The following SORCS1 variants were observed in gnomAD, a reference collection of about 807,000 sequenced individuals.
SORCS1 encodes sortilin related VPS10 domain containing receptor 1, also known as VPS10 domain-containing receptor SorCS1.
SORCS1 carries 60 observed loss-of-function variants against 146.1 expected under a neutral mutation model. The ratio of observed to expected loss-of-function variants is 0.41; its 90% CI spans 0.33 to 0.51. The LOEUF (loss-of-function observed/expected upper bound fraction) is 0.51. SORCS1 is among the 20% of genes least tolerant of loss of function. The pLI, the probability that SORCS1 is intolerant of heterozygous loss-of-function variation, is 0.21. For synonymous variants in SORCS1, 637 were observed against 584.0 expected (o/e 1.09, Z -1.31); for missense variants, 1,352 against 1,487.6 (o/e 0.91, Z 1.50).
intron 3 of SORCS1, among the ~76,000 whole-genome samples, chr10:106,804,596 G>C (rs550251436): frequency 7.2e-4 from 109 of 151,996 alleles, no homozygotes; most frequent in Non-Finnish European, 1.3e-3. Flanking sequence ...TAAAATAAAA[G>C]AAATGCCAAA....
At chr10:106,721,185 G>T (rs921752913) in intron 6 of SORCS1, among the ~76,000 whole-genome samples, 1 of 152,078 alleles carries the variant, frequency 6.6e-6, no homozygotes, top group Non-Finnish European at 1.5e-5. Flanking sequence ...ATGTCAGGAA[G>T]TGGTAAGGAT....
At chr10:107,085,042 T>G (rs1379146543) in intron 1 of SORCS1, among the ~76,000 whole-genome samples, 1 of 152,188 alleles carries the variant, frequency 6.6e-6, no homozygotes, top group Non-Finnish European at 1.5e-5. Flanking sequence ...CCCTCAAAGC[T>G]TTTGTTTTAT....
intron 18 of SORCS1, among the ~76,000 whole-genome samples, chr10:106,631,012 C>A (rs1848410144): frequency 6.6e-6 from 1 of 152,044 alleles, no homozygotes. Context: ...AAGAAAAAAA[C>A]AAAAACCTTT....
chr10:106,824,790 C>T (rs984961231), intron 3 of SORCS1, among the ~76,000 whole-genome samples: 9 of 152,044 alleles, frequency 5.9e-5, no homozygotes, highest in African/African-American at 1.9e-4. Context: ...CCAAGAGACC[C>T]GTAGGAATGA....
intron 19 of SORCS1, among the ~76,000 whole-genome samples, chr10:106,625,200 C>CTGTGTGTGTG (rs3044907): frequency 1.2e-3 from 174 of 140,138 alleles, no homozygotes; most frequent in Non-Finnish European, 1.9e-3. Flanking sequence ...TTGTGTGATT[C>CTGTGTGTGTG]TGTGTGTGTG....
the SORCS1 span, among the ~76,000 whole-genome samples, chr10:107,175,533 G>C: frequency 3.3e-5 from 5 of 152,232 alleles, no homozygotes; most frequent in African/African-American, 1.2e-4. Flanking sequence ...TGCCTCCCAG[G>C]TTCAAGTGAT....
intron 10 of SORCS1, among the ~76,000 whole-genome samples, chr10:106,683,629 C>T (rs1852603592): frequency 6.6e-6 from 1 of 152,202 alleles, no homozygotes; most frequent in Admixed American, 6.5e-5. Context: ...AATCCCAATT[C>T]TTTCTCCTCA....
At chr10:107,068,455 C>T (rs1289421560) in intron 1 of SORCS1, among the ~76,000 whole-genome samples, 1 of 152,156 alleles carries the variant, frequency 6.6e-6, no homozygotes, top group Non-Finnish European at 1.5e-5. Flanking sequence ...CAGGTACTAA[C>T]ATGGTTAGTC....
intron 2 of SORCS1, among the ~76,000 whole-genome samples, chr10:106,932,524 T>C (rs917848212): frequency 6.6e-6 from 1 of 152,202 alleles, no homozygotes; most frequent in Non-Finnish European, 1.5e-5. Flanking sequence ...CACATGTGTG[T>C]ATGCCTGTCT....
chr10:106,710,008 C>T (rs1020729934), intron 6 of SORCS1, among the ~76,000 whole-genome samples: 1 of 152,108 alleles, frequency 6.6e-6, no homozygotes, highest in African/African-American at 2.4e-5. Context: ...AATTTTTTCT[C>T]ATTAGTAGGT....
chr10:106,999,696 T>A (rs747516123), intron 1 of SORCS1, among the ~76,000 whole-genome samples: 10 of 152,218 alleles, frequency 6.6e-5, no homozygotes, highest in Non-Finnish European at 1.5e-4. Context: ...TCTGAGCCAT[T>A]CTAGTTTCCA....
At chr10:107,146,317 A>G (rs1271732310) in intron 1 of SORCS1, among the ~76,000 whole-genome samples, 1 of 119,130 alleles carries the variant, frequency 8.4e-6, no homozygotes, top group Non-Finnish European at 1.6e-5. Flanking sequence ...AACCATGACA[A>G]CCAGCACTCC....
intron 9 of SORCS1, among the ~76,000 whole-genome samples, chr10:106,695,610 A>G (rs901511588): frequency 4.1e-4 from 63 of 152,320 alleles, no homozygotes; most frequent in Non-Finnish European, 4.1e-4. Flanking sequence ...CTACCTCATA[A>G]TGTATGTACT....
intron 3 of SORCS1, among the ~76,000 whole-genome samples, chr10:106,785,398 T>C (rs115173046): frequency 0.01 from 1,576 of 152,302 alleles, 25 homozygotes; most frequent in African/African-American, 0.035. Flanking sequence ...TATAAGCTTT[T>C]AGATCTCACT....
chr10:106,837,478 GAA>G (rs1948834267), intron 2 of SORCS1, among the ~76,000 whole-genome samples: 1 of 151,658 alleles, frequency 6.6e-6, no homozygotes, highest in Non-Finnish European at 1.5e-5. Flanking sequence ...CATGATGATT[GAA>G]TAAAGACAGT....
chr10:107,048,084 C>G (rs1218209065), intron 1 of SORCS1, among the ~76,000 whole-genome samples: 1 of 151,900 alleles, frequency 6.6e-6, no homozygotes, highest in Non-Finnish European at 1.5e-5. Context: ...ACCAAGTCTC[C>G]AACAACAACA....
chr10:106,920,153 T>C (rs7097296), intron 2 of SORCS1, among the ~76,000 whole-genome samples: 65,488 of 151,982 alleles, frequency 0.43, 14,537 homozygotes, highest in African/African-American at 0.54. Context: ...ATGACCCCAA[T>C]GAAGAGAAAT....
chr10:106,706,404 G>C (rs1332367417), intron 8 of SORCS1, 141 bp downstream of exon 8: 2 of 769,498 alleles, frequency 2.6e-6, no homozygotes, highest in African/African-American at 1.7e-5. Context: ...CAGTAAGGCA[G>C]AGCAAACTTG....
chr10:106,932,658 G>T (rs1367487479), intron 2 of SORCS1, among the ~76,000 whole-genome samples: 2 of 152,178 alleles, frequency 1.3e-5, no homozygotes, highest in African/African-American at 4.8e-5. Flanking sequence ...ACCAAGTTTT[G>T]CTCTAAGGAC....
Sources: allele counts gnomAD v4.1 joint callset (sites outside exome capture counted in the v4.1 genomes callset), GRCh38; gene constraint gnomAD v4.1.1; transcripts MANE v1.5; gene names NCBI Gene and HGNC (gene_info 2026-07-23, HGNC 2026-07-21).